NFIC: variants seen among roughly 807,000 people sequenced by gnomAD.
NFIC encodes the protein nuclear factor 1 C-type.
A neutral mutation model predicts 54.4 loss-of-function variants in NFIC; 12 were observed. The ratio of observed to expected loss-of-function variants is 0.22; its 90% confidence interval spans 0.14 to 0.36. The LOEUF is 0.36. Among genes scored for constraint, NFIC ranks in the 10% least tolerant of loss-of-function variants. The pLI is 1.00. For missense variants in NFIC, 575 were observed against 718.2 expected, an observed-to-expected ratio of 0.80 and a Z score of 2.28; for synonymous variants, 322 against 319.2, an observed-to-expected ratio of 1.01 and a Z score of -0.09.
chr19:3,393,365 C>T (rs914315355), intron 2 of NFIC, among the ~76,000 whole-genome samples: 8 of 152,094 alleles, frequency 5.3e-5, no homozygotes, highest in Non-Finnish European at 8.8e-5. Context: ...GAGGAAGACG[C>T]GAGAATCTCA....
At chr19:3,444,307 G>C (rs2082338168) in intron 6 of NFIC, among the ~76,000 whole-genome samples, 1 of 152,240 alleles carries the variant, frequency 6.6e-6, no homozygotes, top group African/African-American at 2.4e-5. Context: ...CTCTGATGGG[G>C]GAGCCCTCGG....
At chr19:3,451,850 C>T (rs187130277) in intron 7 of NFIC, among the ~76,000 whole-genome samples, 8 of 150,872 alleles carry the variant, frequency 5.3e-5, no homozygotes, top group African/African-American at 1.9e-4. Context: ...GGTGCAGTGG[C>T]TCACGCCTGC....
chr19:3,372,138 A>G (rs1305348323), intron 1 of NFIC, among the ~76,000 whole-genome samples: 2 of 150,666 alleles, frequency 1.3e-5, no homozygotes, highest in Non-Finnish European at 3.0e-5. Flanking sequence ...CTCCTACCTC[A>G]GCCTCCCAAG....
At chr19:3,390,406 C>T (rs982171773) in intron 2 of NFIC, among the ~76,000 whole-genome samples, 1 of 152,120 alleles carries the variant, frequency 6.6e-6, no homozygotes. Flanking sequence ...CCACAGCAGA[C>T]AAGAGCCCAC....
At chr19:3,424,737 G>A (rs896251577) in intron 2 of NFIC, among the ~76,000 whole-genome samples, 1 of 152,218 alleles carries the variant, frequency 6.6e-6, no homozygotes, top group Non-Finnish European at 1.5e-5. Context: ...GCTCAGGGTC[G>A]CACAGCAAGA....
rs374871532 is a variant in NFIC, at chr19:3,434,428, C to T, written c.833+28C>T. On this transcript the variant is annotated intron_variant, in intron 5 of 10. Transcript: ENST00000443272. Reference sequence around the variant, plus strand: ...AAGTACCCAGGTCCCCACCTCTGGGCATTTCATGACCCCATTCATCAACCC... The same window carrying T: ...AAGTACCCAGGTCCCCACCTCTGGGTATTTCATGACCCCATTCATCAACCC... 1.5e-4 allele frequency: 236 copies of T among 1,570,264 alleles called. 1 individual carries two copies. The highest frequency in any genetic ancestry group is 1.9e-4 in the Non-Finnish European group (219 of 1,157,924).
intron 1 of NFIC, among the ~76,000 whole-genome samples, chr19:3,380,900 C>G (rs963012483): frequency 3.3e-5 from 5 of 152,002 alleles, no homozygotes; most frequent in Non-Finnish European, 7.4e-5. Context: ...GCAGTCCTCC[C>G]TCCTCGGCCT....
chr19:3,434,146 CT>C, intron 4 of NFIC, 130 bp from the exon 5 acceptor site: 1 of 1,395,740 alleles, frequency 7.2e-7, no homozygotes, highest in East Asian at 2.4e-5. Flanking sequence ...TTCAGCCACC[CT>C]AGGAACCGGG....
intron 2 of NFIC, among the ~76,000 whole-genome samples, chr19:3,392,233 G>A (rs1179101905): frequency 8.6e-5 from 13 of 151,794 alleles, no homozygotes; most frequent in Non-Finnish European, 1.9e-4. Context: ...CACCACACCC[G>A]GCTAATTGTG....
intron 2 of NFIC, among the ~76,000 whole-genome samples, chr19:3,386,354 A>C: frequency 9.1e-6 from 1 of 110,258 alleles, no homozygotes; most frequent in Admixed American, 1.4e-4. Flanking sequence ...ATAGGGTCTC[A>C]CTCTGTCACC....
intron 2 of NFIC, among the ~76,000 whole-genome samples, chr19:3,385,734 G>A (rs943601511): frequency 3.3e-5 from 5 of 151,794 alleles, no homozygotes; most frequent in Admixed American, 2.0e-4. Context: ...CACCACACCC[G>A]GCTAATTTTT....
At chr19:3,389,426 C>T (rs2081345964) in intron 2 of NFIC, among the ~76,000 whole-genome samples, 2 of 152,256 alleles carry the variant, frequency 1.3e-5, no homozygotes, top group African/African-American at 2.4e-5. Context: ...GAAAGCCTCC[C>T]GTCCTCTTCT....
intron 2 of NFIC, among the ~76,000 whole-genome samples, chr19:3,401,508 G>A (rs1052707989): frequency 2.0e-5 from 3 of 152,098 alleles, no homozygotes; most frequent in Non-Finnish European, 4.4e-5. Flanking sequence ...TCCTTGCCCC[G>A]TCTCCTGCCT....
At chr19:3,420,107 G>T (rs954956660) in intron 2 of NFIC, among the ~76,000 whole-genome samples, 3 of 152,110 alleles carry the variant, frequency 2.0e-5, no homozygotes, top group African/African-American at 4.8e-5. Flanking sequence ...GATCGCTTGA[G>T]CCCAGGAGTT....
intron 2 of NFIC, among the ~76,000 whole-genome samples, chr19:3,407,091 C>T (rs1001358650): frequency 6.6e-6 from 1 of 152,018 alleles, no homozygotes; most frequent in Non-Finnish European, 1.5e-5. Context: ...AGAACTTGGA[C>T]TTTTAGATAT....
Position 3,452,407 on chromosome 19 carries a change from G to GAC in NFIC, c.1085-69_1085-68dup, listed in dbSNP as rs1334039852. On this transcript the variant is annotated intron_variant, in intron 7 of 10. Transcript: ENST00000443272. This position sits in a 1 kb window ranked among gnomAD's most constrained non-coding sequence, Gnocchi z 5.3. ...GATGCCGGCAGGAATGACACCCACA[G>GAC]ACACACAGTCACACGGTCACAGAGC... is the stretch of plus-strand genomic sequence containing the variant. The GAC allele has an allele frequency of 3.9e-6, 6 of 1,558,402 alleles. No homozygotes were observed.
At chr19:3,419,379 T>G (rs1443050520) in intron 2 of NFIC, among the ~76,000 whole-genome samples, 1 of 151,892 alleles carries the variant, frequency 6.6e-6, no homozygotes, top group African/African-American at 2.4e-5. Context: ...CAGTCTGAGG[T>G]GGGGGGATTG....
chr19:3,462,642 G>C, intron 10 of NFIC, 110 bp from the exon 11 acceptor site: 1 of 1,237,978 alleles, frequency 8.1e-7, no homozygotes, highest in Non-Finnish European at 1.2e-6. Context: ...GGTTGCAGGA[G>C]GTGGGGGGTG....
chr19:3,454,501 C>T (rs1262277913), intron 9 of NFIC, among the ~76,000 whole-genome samples: 1 of 151,988 alleles, frequency 6.6e-6, no homozygotes, highest in Non-Finnish European at 1.5e-5. Flanking sequence ...GCTGCACCTT[C>T]TAGATTTTTC....
Sources: allele counts gnomAD v4.1 joint callset (sites outside exome capture counted in the v4.1 genomes callset), GRCh38; gene constraint gnomAD v4.1.1; non-coding constraint Gnocchi (gnomAD v3.1); transcripts MANE v1.5; gene names NCBI Gene and HGNC (gene_info 2026-07-23, HGNC 2026-07-21).